Variants in ADAMTS2 observed in about 807,000 individuals in gnomAD.
ADAMTS2 encodes ADAM metallopeptidase with thrombospondin type 1 motif 2.
Under a neutral mutation model 123.0 loss-of-function variants are expected in ADAMTS2, and 50 were observed. That is an observed-to-expected ratio of 0.41 (90% confidence interval 0.32 to 0.51). The LOEUF (loss-of-function observed/expected upper bound fraction) is 0.51. ADAMTS2 is among the 20% of genes least tolerant of loss of function. The pLI is 0.35. For missense variants in ADAMTS2, 1,494 were observed against 1,705.2 expected (o/e 0.88, Z 2.18); for synonymous variants, 678 against 695.4 (o/e 0.98, Z 0.39).
chr5:179,154,768 T>A lies in ADAMTS2; in HGVS notation c.1238+46A>T, dbSNP rs367699963. 51 of 1,488,994 alleles carry A rather than the reference T, an allele frequency of 3.4e-5. No homozygotes were observed. In the African/African-American group the frequency reaches 5.9e-4, roughly 17 times the overall value. The allele number at this position is 1,488,994 out of a possible 1,614,324, so 92.2% of individuals were successfully genotyped here. A position where few individuals can be genotyped will look rare whatever the true frequency, so the allele number is the denominator to read the frequency against. On this transcript the variant is annotated intron_variant, in intron 7 of 21. Coordinates refer to ENST00000251582, the MANE Select transcript of ADAMTS2 (RefSeq NM_014244.5). ...AGAAGTGGGCAGCCAGGGCTGGGGA[T>A]CCTAGGGTGGCCCCTCTGTGCCCCA...
At chr5:179,203,228 G>A (rs537879355) in intron 4 of ADAMTS2, among the ~76,000 whole-genome samples, 41 of 152,330 alleles carry the variant, frequency 2.7e-4, no homozygotes, top group African/African-American at 9.1e-4. Context: ...AGGGCTCGAC[G>A]GCCTTTCCCA....
chr5:179,204,529 C>T (rs1433485887), intron 4 of ADAMTS2, among the ~76,000 whole-genome samples: 2 of 152,220 alleles, frequency 1.3e-5, no homozygotes, highest in Admixed American at 6.5e-5. Flanking sequence ...GAAGCTCTGT[C>T]GCACAGCAGG....
At chr5:179,131,299 C>G (rs1353932685) in intron 15 of ADAMTS2, among the ~76,000 whole-genome samples, 1 of 101,262 alleles carries the variant, frequency 9.9e-6, no homozygotes, top group Non-Finnish European at 1.8e-5. Context: ...GGCGACAGAG[C>G]GAGACTCAAA....
At chr5:179,239,426 G>C (rs530270210) in intron 3 of ADAMTS2, among the ~76,000 whole-genome samples, 99 of 152,288 alleles carry the variant, frequency 6.5e-4, no homozygotes, top group Middle Eastern at 3.4e-3. Context: ...GGAGTGCGGA[G>C]AGGGTGAGCG....
chr5:179,333,652 T>A (rs1417851474), intron 2 of ADAMTS2, among the ~76,000 whole-genome samples: 1 of 143,078 alleles, frequency 7.0e-6, no homozygotes, highest in Non-Finnish European at 1.5e-5. Flanking sequence ...TTGGCTGGAG[T>A]GCAGTGGCGC....
At chr5:179,263,006 A>G (rs1766272546) in intron 3 of ADAMTS2, among the ~76,000 whole-genome samples, 1 of 144,390 alleles carries the variant, frequency 6.9e-6, no homozygotes, top group South Asian at 2.3e-4. Flanking sequence ...TGATTTGGGG[A>G]GCAGTATTAT....
rs148528271 is a variant in ADAMTS2, at chr5:179,205,757, GTTATTA to G, written c.891+1750_891+1755del. The stretch of plus-strand genomic sequence containing the variant: ...ATAATGTAGCCATTATGGTTTTATT[GTTATTA>G]TTATTATTATTATTATTATTATTTT... On this transcript the variant is annotated intron_variant, in intron 4 of 21. Transcript: ENST00000251582. Among the ~76,000 whole-genome samples, 58 of 115,930 alleles carry G rather than the reference GTTATTA, an allele frequency of 5.0e-4. 1 individual carries two copies. Among genetic ancestry groups the G allele is most frequent in the East Asian group, 1.8e-3 (3 of 1,656 alleles). The allele number at this position is 115,930 out of a possible 152,430, so 76.1% of individuals were successfully genotyped here.
rs1479837697 is a variant in ADAMTS2, at chr5:179,139,961, A to G, written c.1704T>C (p.Ser568=). The part of the protein sequence containing the change: ...LKRDGSWGAW[S]PFGSCSRTCG... Reference sequence around the variant, plus strand: ...AGGTACGTGAGCAGGAGCCAAACGGACTCCAAGCGCCCCAGCTGCCGTCCC... The same window carrying G: ...AGGTACGTGAGCAGGAGCCAAACGGGCTCCAAGCGCCCCAGCTGCCGTCCC... Residue 568 remains serine (S), a synonymous_variant, in exon 11 of 22, where the codon AGT becomes AGC. Transcript: ENST00000251582. 1 of 1,613,668 alleles carries G rather than the reference A, an allele frequency of 6.2e-7. No homozygotes were observed. The highest frequency in any genetic ancestry group is 8.5e-7 in the Non-Finnish European group (1 of 1,179,942).
At chr5:179,215,254 G>A (rs1226352811) in intron 3 of ADAMTS2, among the ~76,000 whole-genome samples, 2 of 152,190 alleles carry the variant, frequency 1.3e-5, no homozygotes, top group Non-Finnish European at 2.9e-5. Flanking sequence ...TTTGAGACCA[G>A]CCTGACCAAT....
chr5:179,219,063 A>G (rs1361359386), intron 3 of ADAMTS2, among the ~76,000 whole-genome samples: 1 of 152,132 alleles, frequency 6.6e-6, no homozygotes, highest in Admixed American at 6.5e-5. Context: ...TGGGGAGCCA[A>G]TCCCACTGCA....
At chr5:179,195,598 G>C (rs991720781) in intron 4 of ADAMTS2, among the ~76,000 whole-genome samples, 3 of 152,248 alleles carry the variant, frequency 2.0e-5, no homozygotes, top group African/African-American at 7.2e-5. Flanking sequence ...AGCTCTGCAG[G>C]GGGGCGTGGC....
Position 179,131,790 on chromosome 5 carries a change from C to T in ADAMTS2, c.2290+440G>A, listed in dbSNP as rs969335997. 1.1e-4 allele frequency among the ~76,000 whole-genome samples: 16 copies of T among 152,140 alleles called. 1 individual carries two copies. The highest frequency in any genetic ancestry group is 3.1e-4 in the African/African-American group (13 of 41,434). ...GGAATCTCTTGAATTTAAAATTAAA[C>T]GAATTGAAAATGTAAGTGCACTGTG... On this transcript the variant is annotated intron_variant, in intron 15 of 21. Transcript: ENST00000251582.
intron 2 of ADAMTS2, among the ~76,000 whole-genome samples, chr5:179,322,436 C>G (rs895798984): frequency 1.3e-5 from 2 of 152,206 alleles, no homozygotes; most frequent in African/African-American, 4.8e-5. Flanking sequence ...CTCCCTCCCC[C>G]ACCCAGGTCC....
intron 11 of ADAMTS2, among the ~76,000 whole-genome samples, chr5:179,139,549 G>C (rs536614791): frequency 3.7e-4 from 56 of 152,164 alleles, no homozygotes; most frequent in Non-Finnish European, 6.3e-4. Flanking sequence ...GCATCGGGGG[G>C]GCTGAGAGAC....
chr5:179,177,305 A>G (rs1238267116), intron 5 of ADAMTS2, among the ~76,000 whole-genome samples: 2 of 152,192 alleles, frequency 1.3e-5, no homozygotes, highest in Non-Finnish European at 2.9e-5. Context: ...ACATTATTCA[A>G]TTAAACTCTT....
intron 11 of ADAMTS2, 38 bp downstream of exon 11, chr5:179,139,852 C>A: frequency 1.2e-6 from 2 of 1,610,262 alleles, no homozygotes; most frequent in South Asian, 2.2e-5. Context: ...CCCTCAGCTG[C>A]CACTCAGCAA....
intron 3 of ADAMTS2, among the ~76,000 whole-genome samples, chr5:179,250,062 C>T (rs1350402787): frequency 6.6e-6 from 1 of 152,142 alleles, no homozygotes; most frequent in Non-Finnish European, 1.5e-5. Context: ...ATATAATATA[C>T]TACATTCATA....
Position 179,208,287 on chromosome 5 carries a change from C to A in ADAMTS2, c.689-572G>T, listed in dbSNP as rs148007188. ...AAACCGAGGCCCATCCTGGGCTGTG[C>A]ATGTTCCCCAGTGTCTCCTTGGGCC... On this transcript the variant is annotated intron_variant, in intron 3 of 21. Coordinates refer to ENST00000251582, the MANE Select transcript of ADAMTS2 (RefSeq NM_014244.5). Among the ~76,000 whole-genome samples, 503 of 152,322 alleles carry A rather than the reference C, an allele frequency of 3.3e-3. 3 individuals carry two copies. Among genetic ancestry groups the A allele is most frequent in the African/African-American group, 0.012 (479 of 41,572 alleles).
At chr5:179,330,620 C>T (rs905992513) in intron 2 of ADAMTS2, among the ~76,000 whole-genome samples, 5 of 152,246 alleles carry the variant, frequency 3.3e-5, no homozygotes, top group African/African-American at 9.6e-5. Context: ...CTCCACCCAG[C>T]GCTGCGCACC....
Sources: gnomAD v4.1 joint callset for allele counts (sites outside exome capture counted in the v4.1 genomes callset) on GRCh38, gnomAD v4.1.1 for gene constraint, MANE v1.5 for transcripts, NCBI Gene and HGNC (gene_info 2026-07-23, HGNC 2026-07-21) for gene names.